The following SREBF2 variants were observed in gnomAD, a reference collection of about 807,000 sequenced individuals.
SREBF2 encodes sterol regulatory element-binding protein 2.
In SREBF2, 55 loss-of-function variants were observed where a neutral mutation model predicts 113.1. The observed-to-expected ratio is 0.49, with a 90% confidence interval of 0.39 to 0.61. SREBF2 has a LOEUF of 0.61. Among genes scored for constraint, SREBF2 ranks in the 20% least tolerant of loss-of-function variants. The pLI is 0.00. For synonymous variants in SREBF2, 593 were observed against 605.7 expected, an observed-to-expected ratio of 0.98 and a Z score of 0.31; for missense variants, 1,349 against 1,487.4, an observed-to-expected ratio of 0.91 and a Z score of 1.53.
intron 2 of SREBF2, 54 bp downstream of exon 2, chr22:41,867,334 A>G (rs752889864): frequency 7.6e-6 from 12 of 1,575,384 alleles, no homozygotes; most frequent in Non-Finnish European, 1.0e-5. Context: ...TTTATGTGCC[A>G]GTTTGCAGAC....
intron 16 of SREBF2, chr22:41,901,079 A>T: frequency 2.2e-6 from 1 of 448,420 alleles, no homozygotes; most frequent in South Asian, 1.6e-5. Context: ...GGGGATCCTG[A>T]TAGAGGGCAC....
chr22:41,896,946 A>T, intron 13 of SREBF2, 106 bp from the exon 14 acceptor site: 2 of 757,354 alleles, frequency 2.6e-6, no homozygotes, highest in Non-Finnish European at 4.6e-6. Context: ...GGAAAGGGAC[A>T]GAAATGGCCA....
intron 11 of SREBF2, among the ~76,000 whole-genome samples, chr22:41,888,114 A>C (rs2077316474): frequency 6.6e-6 from 1 of 152,204 alleles, no homozygotes; most frequent in Non-Finnish European, 1.5e-5. Context: ...AATGGTGTCT[A>C]GTGAGAGCAC....
intron 1 of SREBF2, among the ~76,000 whole-genome samples, chr22:41,864,482 A>G (rs984555613): frequency 6.7e-6 from 1 of 150,152 alleles, no homozygotes; most frequent in Non-Finnish European, 1.5e-5. Context: ...CACCACGCCC[A>G]GCTAATTTTT....
At chr22:41,874,603 C>T (rs1352349193) in intron 5 of SREBF2, among the ~76,000 whole-genome samples, 1 of 152,204 alleles carries the variant, frequency 6.6e-6, no homozygotes, top group African/African-American at 2.4e-5. Context: ...AAGTAAAAAT[C>T]TATGCCTTAA....
In SREBF2 at chr22:41,875,639, C is replaced by A. The variant is rs2077190273; in HGVS notation, c.1301C>A (p.Pro434Gln). The stretch of plus-strand genomic sequence containing the variant: ...CAGAATGTCCTTCTGATGTCCCCCC[C>A]AGCCTCTGACTCAGGGTCCCAGGCT... ...FNQNVLLMSPPASDSGSQAGF... is the reference protein window; with the variant it reads ...FNQNVLLMSPQASDSGSQAGF... Residue 434 changes from proline (P) to glutamine (Q), a missense_variant, in exon 7 of 19, where the codon CCA becomes CAA. Physicochemically the swap from Pro to Gln is moderately conservative, Grantham distance 76. This residue lies in a region of SREBF2 where 699 missense variants were observed against 843.3 expected (regional missense o/e 0.83). Transcript: ENST00000361204. The A allele has an allele frequency of 6.2e-7, 1 of 1,614,094 alleles. No homozygotes were observed. Among genetic ancestry groups the A allele is most frequent in the Non-Finnish European group, 8.5e-7 (1 of 1,180,052 alleles).
intron 1 of SREBF2, among the ~76,000 whole-genome samples, chr22:41,851,260 T>G (rs908272799): frequency 6.6e-6 from 1 of 152,200 alleles, no homozygotes; most frequent in African/African-American, 2.4e-5. Flanking sequence ...GTCACTTCAT[T>G]GGTTTTGTTC....
At chr22:41,902,492 A>T (rs1313646403) in intron 16 of SREBF2, among the ~76,000 whole-genome samples, 4 of 151,990 alleles carry the variant, frequency 2.6e-5, no homozygotes, top group Non-Finnish European at 5.9e-5. Context: ...CTGTCTTCTG[A>T]GACACCTGTC....
intron 9 of SREBF2, among the ~76,000 whole-genome samples, chr22:41,879,880 G>A (rs1294640433): frequency 6.6e-6 from 1 of 152,194 alleles, no homozygotes; most frequent in Non-Finnish European, 1.5e-5. Flanking sequence ...GAATCCTAGA[G>A]TAGGGTAGTT....
At chr22:41,900,209 G>C in intron 15 of SREBF2, 121 bp from the exon 16 acceptor site, 1 of 1,536,562 alleles carries the variant, frequency 6.5e-7, no homozygotes, top group Non-Finnish European at 8.7e-7. Flanking sequence ...GGCAGCATTG[G>C]AGTCAACAGA....
chr22:41,871,924 G>A (rs915420802), intron 4 of SREBF2, among the ~76,000 whole-genome samples: 2 of 146,688 alleles, frequency 1.4e-5, no homozygotes, highest in Admixed American at 7.0e-5. Context: ...AGCTACTGAT[G>A]CATGAAACAA....
At chr22:41,861,979 A>G (rs2077031369) in intron 1 of SREBF2, among the ~76,000 whole-genome samples, 1 of 152,208 alleles carries the variant, frequency 6.6e-6, no homozygotes, top group African/African-American at 2.4e-5. Flanking sequence ...AATACAAAAT[A>G]TAAGAATAAA....
intron 9 of SREBF2, among the ~76,000 whole-genome samples, 200 bp downstream of exon 9, chr22:41,878,323 G>A (rs2077216209): frequency 1.3e-5 from 2 of 152,274 alleles, no homozygotes; most frequent in South Asian, 4.1e-4. Flanking sequence ...TATGTCTCCG[G>A]TATGACAGGA....
chr22:41,839,616 A>G (rs748458977), intron 1 of SREBF2, among the ~76,000 whole-genome samples: 4 of 152,222 alleles, frequency 2.6e-5, no homozygotes, highest in Non-Finnish European at 5.9e-5. Context: ...AATTTTTTCA[A>G]TGAGCTGATC....
intron 9 of SREBF2, chr22:41,878,524 G>A (rs1362703676): frequency 4.2e-6 from 2 of 472,768 alleles, no homozygotes; most frequent in South Asian, 3.6e-5. Context: ...GCAAAGGCTG[G>A]TAGTGTGTCT....
intron 1 of SREBF2, among the ~76,000 whole-genome samples, chr22:41,840,865 C>T (rs2076824188): frequency 1.3e-5 from 2 of 152,326 alleles, no homozygotes; most frequent in African/African-American, 4.8e-5. Flanking sequence ...TGCAGTCCCC[C>T]TGCCATCAGC....
At chr22:41,899,416 T>C (rs2077445415) in intron 15 of SREBF2, 2 of 1,002,972 alleles carry the variant, frequency 2.0e-6, no homozygotes, top group East Asian at 1.9e-4. Context: ...TGTTTCTAAT[T>C]GGATCTGAGT....
intron 1 of SREBF2, among the ~76,000 whole-genome samples, chr22:41,836,599 A>T (rs1188612753): frequency 6.6e-6 from 1 of 152,174 alleles, no homozygotes; most frequent in East Asian, 1.9e-4. Context: ...ATTCCCACTA[A>T]ATTCTTTGAA....
intron 11 of SREBF2, among the ~76,000 whole-genome samples, chr22:41,888,477 G>A (rs962352433): frequency 4.6e-5 from 7 of 151,496 alleles, no homozygotes; most frequent in African/African-American, 7.3e-5. Flanking sequence ...GATCTAGTCT[G>A]TTCCACTGCA....
Sources: allele counts gnomAD v4.1 joint callset (sites outside exome capture counted in the v4.1 genomes callset), GRCh38; gene constraint gnomAD v4.1.1; regional missense constraint gnomAD v4.1.1; transcripts MANE v1.5; gene names NCBI Gene and HGNC (gene_info 2026-07-23, HGNC 2026-07-21).